EPAS1: variants seen among roughly 807,000 people sequenced by gnomAD.
EPAS1 encodes the protein endothelial PAS domain protein 1, also known as endothelial PAS domain-containing protein 1.
A neutral mutation model predicts 87.9 loss-of-function variants in EPAS1; 23 were observed. The ratio of observed to expected loss-of-function variants is 0.26; its 90% CI spans 0.19 to 0.37. The LOEUF is 0.37. Ranked by LOEUF, EPAS1 falls within the 10% of genes least tolerant of loss-of-function variation. The pLI, the probability that EPAS1 is intolerant of heterozygous loss-of-function variation, is 1.00. For missense variants in EPAS1, 1,138 were observed against 1,120.7 expected (o/e 1.02, Z -0.22); for synonymous variants, 508 against 444.3 (o/e 1.14, Z -1.80).
At chr2:46,299,993 C>T (rs964147476) in intron 1 of EPAS1, among the ~76,000 whole-genome samples, 5 of 152,204 alleles carry the variant, frequency 3.3e-5, no homozygotes, top group South Asian at 2.1e-4. Context: ...AGGGTGTCCG[C>T]CCTCTTCGAC....
rs1309119390 is a variant in EPAS1 at position 46,385,900 on chromosome 2, A to G, written c.*1240A>G. 1.3e-5 allele frequency: 2 copies of G among 152,136 alleles called. No homozygotes were observed. The highest frequency in any genetic ancestry group is 4.8e-5 in the African/African-American group (2 of 41,326). The allele number at this position is 152,136 out of a possible 1,614,324, so 9.4% of individuals were successfully genotyped here. A position where few individuals can be genotyped will look rare whatever the true frequency, so the allele number is the denominator to read the frequency against. On this transcript the variant is annotated 3_prime_UTR_variant, in exon 16 of 16. Transcript: ENST00000263734. ...ATGGTTTAGACGGGAATTCATGCAA[A>G]TGAGGGGTCAAAAATGGTATAGTGA...
chr2:46,383,906 A>G lies in EPAS1; in HGVS notation c.2462-603A>G, dbSNP rs113432516. On this transcript the variant is annotated intron_variant, in intron 15 of 15. Transcript: ENST00000263734. ...TGCAGATAAGGGAAGGTGGGTGGGC[A>G]TCTCCCATCGGAGGGGCAGAATGCA... 4.7e-3 allele frequency among the ~76,000 whole-genome samples: 716 copies of G among 152,286 alleles called. 2 individuals carry two copies. Among genetic ancestry groups the G allele is most frequent in the African/African-American group, 0.017 (690 of 41,556 alleles).
At chr2:46,356,627 C>T (rs990077378) in intron 3 of EPAS1, 97 bp from the exon 4 acceptor site, 1 of 977,126 alleles carries the variant, frequency 1.0e-6, no homozygotes, top group Non-Finnish European at 1.7e-6. Context: ...ATTCAGTCTC[C>T]TCCCTGCCTC....
At position 46,356,138 on chromosome 2, in the gene EPAS1, C is replaced by CG. The variant is rs3835107; in HGVS notation, c.218-13_218-12insG. 5.9e-5 allele frequency: 74 copies of CG among 1,261,390 alleles called. No individual in the cohort carries two copies. The Admixed American group carries it at 9.3e-4, about 16-fold the overall frequency. The allele number at this position is 1,261,390 out of a possible 1,614,324, so 78.1% of individuals were successfully genotyped here. ...ACATTCATGCAAGCTGTCCCACCCC[C>CG]CCCCCTTTCCAGTTTGCTCTGAAAA... On this transcript the variant is annotated splice_polypyrimidine_tract_variant and intron_variant, in intron 2 of 15. Transcript: ENST00000263734.
Position 46,380,464 on chromosome 2 carries a change from G to C in EPAS1, c.1792G>C (p.Glu598Gln), listed in dbSNP as rs746741401. The stretch of plus-strand genomic sequence containing the variant: ...GCAGCAGCTGGAGAGCAAGAAGACA[G>C]AGCCCGAGCACCGGCCCATGTCCTC... The part of the protein sequence containing the change: ...FQQQLESKKT[E>Q]PEHRPMSSIF... The change falls in exon 12 of 16, where the codon GAG becomes CAG. Residue 598 changes from glutamate (E) to glutamine (Q), a missense_variant. Physicochemically the swap from Glu to Gln is conservative, Grantham distance 29. Around this residue, in one of 4 missense-constraint regions of EPAS1, gnomAD observed 502 missense variants for 427.1 expected, o/e 1.18. Coordinates refer to ENST00000263734, the MANE Select transcript of EPAS1 (RefSeq NM_001430.5). The surrounding 1 kb of genome is among the most constrained non-coding windows in gnomAD (Gnocchi z 4.4). 1.2e-6 allele frequency: 2 copies of C among 1,614,150 alleles called. No individual in the cohort carries two copies. The highest frequency in any genetic ancestry group is 1.3e-5 in the African/African-American group (1 of 75,046).
At chr2:46,324,223 C>A (rs749598989) in intron 1 of EPAS1, among the ~76,000 whole-genome samples, 1 of 152,046 alleles carries the variant, frequency 6.6e-6, no homozygotes, top group Non-Finnish European at 1.5e-5. Flanking sequence ...CCCGCCACCA[C>A]GCCTGGCTAA....
At position 46,380,740 on chromosome 2, in the gene EPAS1, T is replaced by C. The variant is rs1684870625; in HGVS notation, c.2045+23T>C. 9 of 1,605,442 alleles carry C rather than the reference T, an allele frequency of 5.6e-6. No homozygotes were observed. In the East Asian group the frequency reaches 1.8e-4, roughly 32 times the overall value. The stretch of plus-strand genomic sequence containing the variant: ...AAGGTAAGTGGCAGATACTCAGCTG[T>C]ACCAGCAGGGCCGAACCGAGAGGCA... On this transcript the variant is annotated intron_variant, in intron 12 of 15. Transcript: ENST00000263734. This position sits in a 1 kb window ranked among gnomAD's most constrained non-coding sequence, Gnocchi z 4.4.
At chr2:46,327,372 T>G (rs990878449) in intron 1 of EPAS1, among the ~76,000 whole-genome samples, 1 of 151,132 alleles carries the variant, frequency 6.6e-6, no homozygotes, top group Non-Finnish European at 1.5e-5. Context: ...AATTAAAAGC[T>G]AGGTGGTATG....
In EPAS1 at chr2:46,347,415, C is replaced by T. The variant is rs531112063; in HGVS notation, c.217+352C>T. 1.6e-5 allele frequency: 6 copies of T among 371,470 alleles called. No individual in the cohort carries two copies. The highest frequency in any genetic ancestry group is 6.2e-5 in the East Asian group (1 of 16,142). The allele number at this position is 371,470 out of a possible 1,614,324, so 23.0% of individuals were successfully genotyped here. A position where few individuals can be genotyped will look rare whatever the true frequency, so the allele number is the denominator to read the frequency against. ...CCCATCCTCCACACTAGATTGAGTC[C>T]GCAGGAAGCATTCTAATCCTTAACT... On this transcript the variant is annotated intron_variant, in intron 2 of 15. Coordinates refer to ENST00000263734, the MANE Select transcript of EPAS1 (RefSeq NM_001430.5). The surrounding 1 kb of genome is among the most constrained non-coding windows in gnomAD (Gnocchi z 4.2).
At chr2:46,336,701 C>G (rs149681594) in intron 1 of EPAS1, among the ~76,000 whole-genome samples, 2 of 152,312 alleles carry the variant, frequency 1.3e-5, no homozygotes, top group East Asian at 3.9e-4. Context: ...GTCTCAAGAT[C>G]GCACGTGTTC....
At chr2:46,365,745 C>G (rs1252205019) in intron 6 of EPAS1, among the ~76,000 whole-genome samples, 1 of 152,154 alleles carries the variant, frequency 6.6e-6, no homozygotes, top group Non-Finnish European at 1.5e-5. Flanking sequence ...ATATTAAAAC[C>G]AACCGAAGGC....
intron 6 of EPAS1, among the ~76,000 whole-genome samples, chr2:46,361,889 T>TC (rs1684396793): frequency 6.6e-6 from 1 of 152,018 alleles, no homozygotes; most frequent in Admixed American, 6.6e-5. Flanking sequence ...AGCTCCTAAC[T>TC]CCCCCACCAG....
At chr2:46,324,864 G>A (rs1185787978) in intron 1 of EPAS1, among the ~76,000 whole-genome samples, 2 of 152,238 alleles carry the variant, frequency 1.3e-5, no homozygotes, top group Non-Finnish European at 2.9e-5. Flanking sequence ...CACTGAAAAC[G>A]AATTGGGCTG....
At chr2:46,301,578 GA>G (rs3053642) in intron 1 of EPAS1, among the ~76,000 whole-genome samples, 9,025 of 124,102 alleles carry the variant, frequency 0.073, 341 homozygotes, top group Middle Eastern at 0.11. Context: ...CCGTCTCAAA[GA>G]AAAAAAAAAA....
rs1161620762 is a variant in EPAS1 at position 46,375,133 on chromosome 2, T to G, written c.887-557T>G. 6.7e-6 allele frequency among the ~76,000 whole-genome samples: 1 copy of G among 149,548 alleles called. No homozygotes were observed. The highest frequency in any genetic ancestry group is 2.4e-5 in the African/African-American group (1 of 40,906). On this transcript the variant is annotated intron_variant, in intron 7 of 15. Coordinates refer to ENST00000263734, the MANE Select transcript of EPAS1 (RefSeq NM_001430.5). This position sits in a 1 kb window ranked among gnomAD's most constrained non-coding sequence, Gnocchi z 4.1. ...TGGAGAAATCAAGGATATCAATGTT[T>G]TAAATGCTTTTATTCATAAGCAGGG...
At chr2:46,315,167 C>T (rs1027732591) in intron 1 of EPAS1, among the ~76,000 whole-genome samples, 6 of 152,136 alleles carry the variant, frequency 3.9e-5, no homozygotes, top group African/African-American at 7.2e-5. Context: ...TGTACATGAA[C>T]GTATCTGAAG....
Position 46,386,133 on chromosome 2 carries a change from G to A in EPAS1, c.*1473G>A, listed in dbSNP as rs1685018802. 1 of 152,654 alleles carries A rather than the reference G, an allele frequency of 6.6e-6. No individual in the cohort carries two copies. The highest frequency in any genetic ancestry group is 1.5e-5 in the Non-Finnish European group (1 of 68,044). 9.5% of individuals were successfully genotyped at this position (152,654 alleles called of 1,614,324 possible). A position where few individuals can be genotyped will look rare whatever the true frequency, so the allele number is the denominator to read the frequency against. Reference sequence around the variant, plus strand: ...TGGGTCGGTCAGTGACATGTAGGTAGGAAGCACTGAAAATAGTGTTCCCAG... The same window carrying A: ...TGGGTCGGTCAGTGACATGTAGGTAAGAAGCACTGAAAATAGTGTTCCCAG... On this transcript the variant is annotated 3_prime_UTR_variant, in exon 16 of 16. Coordinates refer to ENST00000263734, the MANE Select transcript of EPAS1 (RefSeq NM_001430.5).
At chr2:46,332,916 G>T (rs145150056) in intron 1 of EPAS1, among the ~76,000 whole-genome samples, 83 of 152,326 alleles carry the variant, frequency 5.4e-4, no homozygotes, top group Non-Finnish European at 1.0e-3. Flanking sequence ...CTTAAGGATG[G>T]GACGGGTCAG....
In EPAS1 at chr2:46,376,560, G is replaced by T; in HGVS notation, c.1056G>T (p.Val352=). ...YVLSEIEKND[V]VFSMDQTESL... ...TTAGTGAGATTGAGAAGAATGACGT[G>T]GTGTTCTCCATGGACCAGACTGAAT... The change falls in exon 9 of 16, where the codon GTG becomes GTT. Residue 352 remains valine (V), a synonymous_variant. Transcript: ENST00000263734. 6.2e-7 allele frequency: 1 copy of T among 1,614,058 alleles called. No individual in the cohort carries two copies. The highest frequency in any genetic ancestry group is 1.1e-5 in the South Asian group (1 of 91,064).
Sources: gnomAD v4.1 joint callset for allele counts (sites outside exome capture counted in the v4.1 genomes callset) on GRCh38, gnomAD v4.1.1 for gene constraint, gnomAD v4.1.1 regional missense constraint, Gnocchi (gnomAD v3.1) non-coding constraint, MANE v1.5 for transcripts, NCBI Gene and HGNC (gene_info 2026-07-23, HGNC 2026-07-21) for gene names.